The following ANKHD1 variants were observed in gnomAD, a reference collection of about 807,000 sequenced individuals.
ANKHD1 encodes ankyrin repeat and KH domain containing 1.
In ANKHD1, 31 loss-of-function variants were observed where a neutral mutation model predicts 230.5. The observed-to-expected ratio is 0.13, with a 90% CI of 0.10 to 0.18. The LOEUF is 0.18. ANKHD1 is among the 10% of genes least tolerant of loss of function. ANKHD1 has a pLI of 1.00. For missense variants in ANKHD1, 2,256 were observed against 3,071.3 expected (o/e 0.73, Z 6.27); for synonymous variants, 1,074 against 1,117.6 (o/e 0.96, Z 0.78).
At chr5:140,423,190 G>T (rs1218743867) in intron 1 of ANKHD1, among the ~76,000 whole-genome samples, 1 of 152,118 alleles carries the variant, frequency 6.6e-6, no homozygotes, top group African/African-American at 2.4e-5. Flanking sequence ...GAGCCACCAT[G>T]CCCAGCCTAT....
Position 140,497,023 on chromosome 5 carries a change from C to A in ANKHD1, c.2749C>A (p.Pro917Thr), listed in dbSNP as rs1398093638. 6.2e-7 allele frequency: 1 copy of A among 1,614,154 alleles called. No homozygotes were observed. The highest frequency in any genetic ancestry group is 8.5e-7 in the Non-Finnish European group (1 of 1,180,022). ...NDVDDEQQSPPSAEQIDFVPV... is the reference protein window; with the variant it reads ...NDVDDEQQSPTSAEQIDFVPV... ...TGTTGATGATGAGCAACAGTCTCCA[C>A]CATCGGCAGAACAGATTGATTTTGT... Residue 917 changes from proline (P) to threonine (T), a missense_variant, in exon 15 of 34, where the codon CCA becomes ACA. Transcript: ENST00000360839.
intron 7 of ANKHD1, among the ~76,000 whole-genome samples, 166 bp from the exon 8 acceptor site, chr5:140,458,459 G>C (rs1233605306): frequency 2.0e-5 from 3 of 152,094 alleles, no homozygotes; most frequent in Non-Finnish European, 4.4e-5. Context: ...ATGAACTTTT[G>C]ATAAGGCTCA....
At chr5:140,488,701 A>G (rs1751620292) in intron 14 of ANKHD1, among the ~76,000 whole-genome samples, 1 of 152,118 alleles carries the variant, frequency 6.6e-6, no homozygotes, top group African/African-American at 2.4e-5. Context: ...GGAGTTTGAG[A>G]CGAGCCTGGC....
At chr5:140,498,827 G>T (rs1396142942) in intron 15 of ANKHD1, among the ~76,000 whole-genome samples, 1 of 149,318 alleles carries the variant, frequency 6.7e-6, no homozygotes, top group Non-Finnish European at 1.5e-5. Flanking sequence ...TGAAATCTGT[G>T]TTACTGATTA....
intron 32 of ANKHD1, 117 bp downstream of exon 32, chr5:140,538,378 C>G: frequency 6.7e-7 from 1 of 1,495,968 alleles, no homozygotes; most frequent in Non-Finnish European, 9.0e-7. Context: ...TTTGCTAGAT[C>G]TTTTGCTTAA....
chr5:140,471,209 T>G (rs1327349696), intron 10 of ANKHD1, among the ~76,000 whole-genome samples: 5 of 152,194 alleles, frequency 3.3e-5, no homozygotes, highest in Non-Finnish European at 7.3e-5. Flanking sequence ...TTTCTTCTAT[T>G]CTTCCAATTC....
intron 7 of ANKHD1, 45 bp from the exon 8 acceptor site, chr5:140,458,575 TCAAAA>T (rs1775397305): frequency 1.3e-6 from 2 of 1,556,896 alleles, no homozygotes; most frequent in South Asian, 1.2e-5. Context: ...TAAAAAAATC[TCAAAA>T]CAAAAAATTT....
At chr5:140,402,363 C>G in intron 1 of ANKHD1, 90 bp downstream of exon 1, 1 of 1,373,146 alleles carries the variant, frequency 7.3e-7, no homozygotes, top group Non-Finnish European at 9.4e-7. Flanking sequence ...TCCCGCTTCC[C>G]TGGTGGAGCC....
chr5:140,443,818 T>G (rs112687017), intron 5 of ANKHD1, among the ~76,000 whole-genome samples: 2,465 of 152,156 alleles, frequency 0.016, 74 homozygotes, highest in African/African-American at 0.056. Flanking sequence ...AACTCTAACT[T>G]TAAGCCAAAC....
chr5:140,423,095 G>A lies in ANKHD1; in HGVS notation c.307-13009G>A, dbSNP rs1462229437. On this transcript the variant is annotated intron_variant, in intron 1 of 33. Transcript: ENST00000360839. Reference sequence around the variant, plus strand: ...TAAAATATTTTTTGGTGGAGGTGAGGTCTCAATACCTAGGGTAGTTTGGAA... The same window carrying A: ...TAAAATATTTTTTGGTGGAGGTGAGATCTCAATACCTAGGGTAGTTTGGAA... 5.3e-5 allele frequency among the ~76,000 whole-genome samples: 8 copies of A among 151,970 alleles called. No individual in the cohort carries two copies. In the East Asian group the frequency reaches 1.6e-3, roughly 30 times the overall value.
Position 140,402,255 on chromosome 5 carries a change from C to G in ANKHD1, c.288C>G (p.Asp96Glu), listed in dbSNP as rs766547412. ...TGGGGGASGS[D>E]EDEVSEVESF... ...GTGGAGGTGGTGCCTCTGGCAGTGACGAGGACGAAGTGTCCGAGGTAAGGC... is the reference window on the plus strand; with the variant it reads ...GTGGAGGTGGTGCCTCTGGCAGTGAGGAGGACGAAGTGTCCGAGGTAAGGC... The change falls in exon 1 of 34, where the codon GAC becomes GAG. Residue 96 changes from aspartate to glutamate, a missense_variant. This residue lies in a region of ANKHD1 where 193 missense variants were observed against 185.8 expected (regional missense o/e 1.04). Coordinates refer to ENST00000360839, the MANE Select transcript of ANKHD1 (RefSeq NM_017747.3). 3 of 1,499,250 alleles carry G rather than the reference C, an allele frequency of 2.0e-6. No individual in the cohort carries two copies. The East Asian group carries it at 8.2e-5, about 41-fold the overall frequency. The allele number at this position is 1,499,250 out of a possible 1,614,324, so 92.9% of individuals were successfully genotyped here.
chr5:140,507,770 C>T lies in ANKHD1; in HGVS notation c.3552-15C>T. On this transcript the variant is annotated splice_polypyrimidine_tract_variant and intron_variant, in intron 19 of 33. Transcript: ENST00000360839. This position sits in a 1 kb window ranked among gnomAD's most constrained non-coding sequence, Gnocchi z 4.1. ...ACATATTATTTTAATTTTCTAAGCA[C>T]ATTTCCCCCTTTAGGACTGGGAGTA... 1.2e-6 allele frequency: 2 copies of T among 1,610,748 alleles called. No individual in the cohort carries two copies. The highest frequency in any genetic ancestry group is 1.7e-6 in the Non-Finnish European group (2 of 1,177,328).
Position 140,464,713 on chromosome 5 carries a change from C to G in ANKHD1, c.1719C>G (p.Thr573=). 6.2e-7 allele frequency: 1 copy of G among 1,607,836 alleles called. No individual in the cohort carries two copies. Among genetic ancestry groups the G allele is most frequent in the Non-Finnish European group, 8.5e-7 (1 of 1,175,382 alleles). ...ATTATGDTAL[T]YACENGHTDV... The stretch of plus-strand genomic sequence containing the variant: ...CAGCAACAGGAGACACAGCCTTAAC[C>G]TATGCTTGTGAAAATGGACATACGG... The change falls in exon 10 of 34, where the codon ACC becomes ACG. Residue 573 remains threonine (T), a synonymous_variant. Transcript: ENST00000360839.
At chr5:140,429,307 T>A (rs1036472541) in intron 1 of ANKHD1, among the ~76,000 whole-genome samples, 1 of 151,812 alleles carries the variant, frequency 6.6e-6, no homozygotes, top group Non-Finnish European at 1.5e-5. Flanking sequence ...TTGGCCAGGC[T>A]GGTCTCGATT....
Position 140,485,585 on chromosome 5 carries a change from T to G in ANKHD1, c.1999-4T>G. On this transcript the variant is annotated splice_region_variant and splice_polypyrimidine_tract_variant and intron_variant, in intron 12 of 33. Coordinates refer to ENST00000360839, the MANE Select transcript of ANKHD1 (RefSeq NM_017747.3). This position sits in a 1 kb window ranked among gnomAD's most constrained non-coding sequence, Gnocchi z 4.8. ...AATTAATTATCATGGCAATTCTTTT[T>G]CAGGATGGTTCAACAATGCTCATTG... 1 of 1,611,596 alleles carries G rather than the reference T, an allele frequency of 6.2e-7. No individual in the cohort carries two copies. Among genetic ancestry groups the G allele is most frequent in the Non-Finnish European group, 8.5e-7 (1 of 1,179,376 alleles).
chr5:140,460,722 C>T (rs541474988), intron 9 of ANKHD1, among the ~76,000 whole-genome samples: 2 of 151,820 alleles, frequency 1.3e-5, no homozygotes, highest in East Asian at 1.9e-4. Context: ...GATTTTGCCA[C>T]GTTCCTGAGG....
At chr5:140,533,018 A>T in intron 29 of ANKHD1, 1 of 198,194 alleles carries the variant, frequency 5.0e-6, no homozygotes, top group South Asian at 5.6e-5. Context: ...GAATCGCTTG[A>T]ACCTGGGAGG....
chr5:140,420,543 T>C (rs1771893360), intron 1 of ANKHD1, among the ~76,000 whole-genome samples: 1 of 152,220 alleles, frequency 6.6e-6, no homozygotes, highest in Non-Finnish European at 1.5e-5. Context: ...CTTGATTCTT[T>C]TGAATGTGCA....
intron 14 of ANKHD1, among the ~76,000 whole-genome samples, chr5:140,495,366 C>T (rs926599601): frequency 1.3e-5 from 2 of 151,862 alleles, no homozygotes; most frequent in Non-Finnish European, 2.9e-5. Flanking sequence ...CTGCCTCAGC[C>T]TCCTGAGTAG....
Sources: gnomAD v4.1 joint callset for allele counts (sites outside exome capture counted in the v4.1 genomes callset) on GRCh38, gnomAD v4.1.1 for gene constraint, gnomAD v4.1.1 regional missense constraint, Gnocchi (gnomAD v3.1) non-coding constraint, MANE v1.5 for transcripts, NCBI Gene and HGNC (gene_info 2026-07-23, HGNC 2026-07-21) for gene names.